APBB2: variants seen among roughly 807,000 people sequenced by gnomAD.
APBB2 encodes amyloid beta precursor protein binding family B member 2.
Under a neutral mutation model 82.5 loss-of-function variants are expected in APBB2, and 38 were observed. That is an observed-to-expected ratio of 0.46 (90% CI 0.36 to 0.60). The LOEUF is 0.60. Among genes scored for constraint, APBB2 ranks in the 20% least tolerant of loss-of-function variants. The probability of loss-of-function intolerance (pLI) is 0.00; values close to 1 mark genes in which losing one functional copy is unlikely to be tolerated. For missense variants in APBB2, 772 were observed against 972.3 expected (o/e 0.79, Z 2.74); for synonymous variants, 341 against 368.2 (o/e 0.93, Z 0.85).
chr4:40,827,263 C>CCATG, intron 13 of APBB2, 44 bp from the exon 14 acceptor site: 1 of 1,554,954 alleles, frequency 6.4e-7, no homozygotes, highest in Non-Finnish European at 8.9e-7. Flanking sequence ...GTTCAAGCCC[C>CCATG]CATGTCTTCA....
At chr4:41,048,667 CG>C (rs1724344356) in intron 4 of APBB2, among the ~76,000 whole-genome samples, 1 of 149,182 alleles carries the variant, frequency 6.7e-6, no homozygotes, top group Non-Finnish European at 1.5e-5. Context: ...CTCTCCCTCC[CG>C]TCTCCCCTAC....
At chr4:41,075,143 A>G (rs1735245804) in intron 3 of APBB2, among the ~76,000 whole-genome samples, 1 of 152,154 alleles carries the variant, frequency 6.6e-6, no homozygotes, top group South Asian at 2.1e-4. Flanking sequence ...CCAAAAAAAC[A>G]AAAGAAATCA....
intron 6 of APBB2, among the ~76,000 whole-genome samples, chr4:40,992,201 C>G (rs1306907584): frequency 6.6e-6 from 1 of 152,130 alleles, no homozygotes; most frequent in Non-Finnish European, 1.5e-5. Context: ...GAGACAGGGT[C>G]TCACTCTGTT....
intron 10 of APBB2, among the ~76,000 whole-genome samples, chr4:40,920,525 C>A (rs183172346): frequency 1.3e-4 from 20 of 152,244 alleles, no homozygotes; most frequent in Admixed American, 1.3e-3. Context: ...ACTCCCACCA[C>A]AACAACCCCA....
At chr4:40,906,702 C>T (rs1776857573) in intron 10 of APBB2, among the ~76,000 whole-genome samples, 1 of 152,008 alleles carries the variant, frequency 6.6e-6, no homozygotes, top group African/African-American at 2.4e-5. Flanking sequence ...TTTTAAGTGT[C>T]CATACAAAAC....
chr4:41,188,128 A>G (rs981111656), intron 1 of APBB2, among the ~76,000 whole-genome samples: 4 of 152,228 alleles, frequency 2.6e-5, no homozygotes, highest in African/African-American at 9.6e-5. Flanking sequence ...TTCTAGGGGA[A>G]CATGTGGAGG....
rs578138475 is a variant in APBB2 at position 41,004,135 on chromosome 4, T to C, written c.835+9448A>G. Among the ~76,000 whole-genome samples the C allele has an allele frequency of 1.6e-4, 25 of 152,222 alleles. No individual in the cohort carries two copies. The East Asian group carries it at 4.3e-3, about 26-fold the overall frequency. The stretch of plus-strand genomic sequence containing the variant: ...GGTTTCACCATGTTGGCCAGACTGG[T>C]CTCGAACTCCTGACCTCAAATGGTC... On this transcript the variant is annotated intron_variant, in intron 6 of 17. Transcript: ENST00000508593.
chr4:41,208,805 A>C (rs13127574), intron 1 of APBB2, among the ~76,000 whole-genome samples: 12,161 of 152,160 alleles, frequency 0.08, 695 homozygotes, highest in Non-Finnish European at 0.12. Flanking sequence ...TATACCATTC[A>C]TTTCTTTCCA....
chr4:40,870,726 T>A (rs935304850), intron 12 of APBB2, among the ~76,000 whole-genome samples: 1 of 150,466 alleles, frequency 6.6e-6, no homozygotes. Flanking sequence ...TGTGTGTGTA[T>A]ACACACTCTT....
At chr4:41,173,397 G>A (rs7683632) in intron 1 of APBB2, among the ~76,000 whole-genome samples, 4 of 152,082 alleles carry the variant, frequency 2.6e-5, no homozygotes, top group Admixed American at 6.6e-5. Flanking sequence ...AACCAAATAC[G>A]GAGATTTCTT....
intron 3 of APBB2, among the ~76,000 whole-genome samples, chr4:41,083,467 G>C (rs374339166): frequency 2.6e-5 from 4 of 152,002 alleles, no homozygotes; most frequent in African/African-American, 9.6e-5. Flanking sequence ...AAGGCAGGTG[G>C]ATCACTAGGT....
At chr4:41,155,241 T>C (rs1763161234) in intron 1 of APBB2, among the ~76,000 whole-genome samples, 1 of 152,002 alleles carries the variant, frequency 6.6e-6, no homozygotes, top group Admixed American at 6.5e-5. Context: ...TTGGAACTGT[T>C]TTTTTGTTTT....
intron 7 of APBB2, among the ~76,000 whole-genome samples, chr4:40,937,313 G>T (rs1353308197): frequency 6.6e-6 from 1 of 152,134 alleles, no homozygotes. Context: ...TAAAAGAAGA[G>T]TATTTTCTAA....
chr4:40,943,078 A>G (rs1156629016), intron 7 of APBB2, among the ~76,000 whole-genome samples: 7 of 152,174 alleles, frequency 4.6e-5, no homozygotes, highest in African/African-American at 1.4e-4. Flanking sequence ...AATCTCCCCA[A>G]TCTGGGACAG....
rs372110290 is a variant in APBB2, at chr4:40,816,207, G to A, written c.2165C>T (p.Pro722Leu). The part of the protein sequence containing the change: ...VARPPSQKVR[P>L]PPPPADSVTR... ...TACTGAATCTGCTGGCGGTGGAGGT[G>A]GTCGAACTTTCTGAGAAGGCGGCCT... Residue 722 changes from proline (P) to leucine (L), a missense_variant, in exon 18 of 18, where the codon CCA becomes CTA. Coordinates refer to ENST00000508593, the MANE Select transcript of APBB2 (RefSeq NM_004307.2). 5.6e-6 allele frequency: 9 copies of A among 1,614,044 alleles called. No individual in the cohort carries two copies. In the African/African-American group the frequency reaches 1.1e-4, roughly 19 times the overall value.
intron 1 of APBB2, among the ~76,000 whole-genome samples, chr4:41,164,487 A>G (rs1765979370): frequency 1.3e-5 from 2 of 152,222 alleles, no homozygotes; most frequent in African/African-American, 4.8e-5. Flanking sequence ...TTGATTCAGA[A>G]GAGATCCCTA....
intron 1 of APBB2, among the ~76,000 whole-genome samples, chr4:41,168,942 TTTGGGAGGC>T (rs1381562122): frequency 6.6e-6 from 1 of 151,614 alleles, no homozygotes; most frequent in Non-Finnish European, 1.5e-5. Context: ...ATCCCAGCAC[TTTGGGAGGC>T]TGAGGTGGGC....
chr4:40,826,072 G>A lies in APBB2; in HGVS notation c.1733-102C>T. On this transcript the variant is annotated intron_variant, in intron 14 of 17. Transcript: ENST00000508593. This position sits in a 1 kb window ranked among gnomAD's most constrained non-coding sequence, Gnocchi z 4.5. Reference sequence around the variant, plus strand: ...TCTGAATGCTCAGGACACGCCCTGTGCCATAACGCCCTATGTTTCTGGATG... The same window carrying A: ...TCTGAATGCTCAGGACACGCCCTGTACCATAACGCCCTATGTTTCTGGATG... The A allele has an allele frequency of 1.2e-6, 1 of 832,208 alleles. No individual in the cohort carries two copies. Among genetic ancestry groups the A allele is most frequent in the African/African-American group, 1.7e-5 (1 of 59,546 alleles). 51.6% of individuals were successfully genotyped at this position (832,208 alleles called of 1,614,324 possible).
intron 12 of APBB2, among the ~76,000 whole-genome samples, chr4:40,860,143 A>G (rs1762417772): frequency 6.6e-6 from 1 of 152,188 alleles, no homozygotes; most frequent in Non-Finnish European, 1.5e-5. Flanking sequence ...TGAAGAATTC[A>G]ACCTTGGCTG....
Sources: gnomAD v4.1 joint callset for allele counts (sites outside exome capture counted in the v4.1 genomes callset) on GRCh38, gnomAD v4.1.1 for gene constraint, Gnocchi (gnomAD v3.1) non-coding constraint, MANE v1.5 for transcripts, NCBI Gene and HGNC (gene_info 2026-07-23, HGNC 2026-07-21) for gene names.